Variants in GPC6 observed in about 807,000 individuals in gnomAD.
GPC6 encodes glypican-6.
GPC6 carries 14 observed loss-of-function variants against 55.2 expected under a neutral mutation model. The observed-to-expected ratio is 0.25, with a 90% confidence interval of 0.17 to 0.40. The LOEUF (loss-of-function observed/expected upper bound fraction) is 0.40. Ranked by LOEUF, GPC6 falls within the 10% of genes least tolerant of loss-of-function variation. The pLI is 1.00. For missense variants in GPC6, 641 were observed against 708.5 expected (o/e 0.90, Z 1.08); for synonymous variants, 278 against 259.6 (o/e 1.07, Z -0.68).
At chr13:93,913,659 G>A (rs1334043725) in intron 3 of GPC6, among the ~76,000 whole-genome samples, 2 of 152,018 alleles carry the variant, frequency 1.3e-5, no homozygotes, top group South Asian at 2.1e-4. Flanking sequence ...AAACTATTGT[G>A]CATTTTTTTC....
intron 1 of GPC6, among the ~76,000 whole-genome samples, chr13:93,251,195 G>A (rs1301249293): frequency 6.6e-6 from 1 of 152,078 alleles, no homozygotes; most frequent in African/African-American, 2.4e-5. Flanking sequence ...TGGGTGACTT[G>A]GCAAACCATT....
intron 4 of GPC6, among the ~76,000 whole-genome samples, chr13:94,242,810 A>C (rs1412261193): frequency 6.6e-6 from 1 of 152,108 alleles, no homozygotes; most frequent in Non-Finnish European, 1.5e-5. Flanking sequence ...TGGTTGGAAG[A>C]TTTAATAGCA....
intron 1 of GPC6, among the ~76,000 whole-genome samples, chr13:93,288,755 C>T (rs1162395318): frequency 2.2e-4 from 33 of 152,072 alleles, no homozygotes; most frequent in Admixed American, 2.2e-3. Context: ...TCTGGATAAC[C>T]AATGAGTGAC....
chr13:94,316,525 G>A (rs1302347958), intron 6 of GPC6, among the ~76,000 whole-genome samples: 2 of 151,940 alleles, frequency 1.3e-5, no homozygotes, highest in Admixed American at 6.6e-5. Context: ...AGACCATCCC[G>A]GCTAAAACGG....
intron 5 of GPC6, among the ~76,000 whole-genome samples, chr13:94,288,857 A>AAT (rs367663884): frequency 0.02 from 179 of 9,128 alleles, 1 homozygote; most frequent in Middle Eastern, 0.2. Flanking sequence ...ATATATAATA[A>AAT]ATATATATAT....
intron 4 of GPC6, among the ~76,000 whole-genome samples, chr13:94,036,558 T>TA (rs1883340455): frequency 6.6e-6 from 1 of 151,988 alleles, no homozygotes. Context: ...TATTCACCAC[T>TA]AAAATCTCAA....
At chr13:93,630,738 A>G (rs1879392298) in intron 2 of GPC6, among the ~76,000 whole-genome samples, 2 of 152,178 alleles carry the variant, frequency 1.3e-5, no homozygotes. Flanking sequence ...AATACAGTAT[A>G]CTTTTATTTT....
At chr13:94,325,438 A>C (rs1394915866) in intron 6 of GPC6, among the ~76,000 whole-genome samples, 1 of 152,220 alleles carries the variant, frequency 6.6e-6, no homozygotes, top group Non-Finnish European at 1.5e-5. Context: ...TCATTAAATC[A>C]CTGTTATATT....
rs114883470 is a variant in GPC6 at position 93,905,102 on chromosome 13, G to A, written c.711+74557G>A. Among the ~76,000 whole-genome samples the A allele has an allele frequency of 9.6e-3, 1,427 of 148,002 alleles. 19 individuals carry two copies. The highest frequency in any genetic ancestry group is 0.033 in the African/African-American group (1,333 of 40,062). On this transcript the variant is annotated intron_variant, in intron 3 of 8. Transcript: ENST00000377047. ...CTTTTTTTTTTTTTTTTGAAAGGGGGTGCTTTCCAGATTGAGGGAAACTTT... is the reference window on the plus strand; with the variant it reads ...CTTTTTTTTTTTTTTTTGAAAGGGGATGCTTTCCAGATTGAGGGAAACTTT...
chr13:93,987,129 T>A (rs945505275), intron 3 of GPC6, among the ~76,000 whole-genome samples: 4 of 152,178 alleles, frequency 2.6e-5, no homozygotes, highest in Admixed American at 1.3e-4. Context: ...GTGATAAAGA[T>A]CAAAAGCAGT....
intron 2 of GPC6, among the ~76,000 whole-genome samples, chr13:93,781,283 AAAAAAAAG>A (rs1418983100): frequency 6.6e-6 from 1 of 151,984 alleles, no homozygotes; most frequent in Non-Finnish European, 1.5e-5. Flanking sequence ...TCCGAAAAAA[AAAAAAAAG>A]AAAAAAGAAA....
intron 4 of GPC6, among the ~76,000 whole-genome samples, chr13:94,037,747 A>C (rs965973245): frequency 6.6e-6 from 1 of 151,916 alleles, no homozygotes; most frequent in African/African-American, 2.4e-5. Flanking sequence ...ACTCCTGCTG[A>C]GCATTTAGGA....
chr13:93,530,480 A>T (rs1881824239), intron 1 of GPC6, among the ~76,000 whole-genome samples: 1 of 151,922 alleles, frequency 6.6e-6, no homozygotes, highest in South Asian at 2.1e-4. Context: ...GGAAATGCGG[A>T]CTCTCTTGGT....
chr13:94,372,492 T>C, intron 6 of GPC6, among the ~76,000 whole-genome samples: 1 of 152,176 alleles, frequency 6.6e-6, no homozygotes, highest in Non-Finnish European at 1.5e-5. Context: ...ACCCGAATAC[T>C]GCACTTTTCC....
chr13:93,473,355 A>G (rs1879193036), intron 1 of GPC6, among the ~76,000 whole-genome samples: 1 of 152,186 alleles, frequency 6.6e-6, no homozygotes, highest in African/African-American at 2.4e-5. Context: ...ATGATGTGTC[A>G]GCACTGCTGG....
At chr13:94,088,579 G>C (rs562612820) in intron 4 of GPC6, among the ~76,000 whole-genome samples, 28 of 79,396 alleles carry the variant, frequency 3.5e-4, no homozygotes, top group Non-Finnish European at 7.1e-4. Context: ...GGGGAAGGGA[G>C]GGGAGGGGAG....
At chr13:93,232,798 A>G (rs1876106117) in intron 1 of GPC6, among the ~76,000 whole-genome samples, 2 of 152,178 alleles carry the variant, frequency 1.3e-5, no homozygotes, top group Admixed American at 1.3e-4. Flanking sequence ...CTAACCTAAA[A>G]TGACCTAACT....
intron 4 of GPC6, among the ~76,000 whole-genome samples, chr13:94,143,552 A>G (rs1228657215): frequency 6.6e-6 from 1 of 151,904 alleles, no homozygotes; most frequent in East Asian, 1.9e-4. Context: ...AAATGCAGAA[A>G]GATGCCATTT....
At chr13:93,515,528 G>A (rs536596355) in intron 1 of GPC6, among the ~76,000 whole-genome samples, 46 of 152,222 alleles carry the variant, frequency 3.0e-4, no homozygotes, top group African/African-American at 1.1e-3. Context: ...AGAAACTTGG[G>A]CAAATTATTT....
Sources: allele counts gnomAD v4.1 joint callset (sites outside exome capture counted in the v4.1 genomes callset), GRCh38; gene constraint gnomAD v4.1.1; transcripts MANE v1.5; gene names NCBI Gene and HGNC (gene_info 2026-07-23, HGNC 2026-07-21).